ARL15: variants seen among roughly 807,000 people sequenced by gnomAD.
ARL15 encodes the protein ARF like GTPase 15, also known as ADP-ribosylation factor-like protein 15.
In ARL15, 19 loss-of-function variants were observed where a neutral mutation model predicts 25.2. The observed-to-expected ratio is 0.75, with a 90% CI of 0.53 to 1.10. The LOEUF is 1.10. Among genes scored for constraint, ARL15 ranks in the 50% least tolerant of loss-of-function variants. The probability of loss-of-function intolerance (pLI) is 0.00; values close to 1 mark genes in which losing one functional copy is unlikely to be tolerated. For synonymous variants in ARL15, 94 were observed against 86.8 expected (o/e 1.08, Z -0.46); for missense variants, 220 against 246.0 (o/e 0.89, Z 0.71).
At chr5:54,178,423 G>A (rs1007512756) in intron 1 of ARL15, among the ~76,000 whole-genome samples, 3 of 152,092 alleles carry the variant, frequency 2.0e-5, no homozygotes, top group Admixed American at 6.5e-5. Flanking sequence ...TACTGGTCTC[G>A]CCAGACAGAA....
intron 4 of ARL15, among the ~76,000 whole-genome samples, chr5:54,025,477 T>C (rs1373988354): frequency 1.3e-5 from 2 of 152,148 alleles, no homozygotes; most frequent in Non-Finnish European, 2.9e-5. Flanking sequence ...CTGAGGCAAA[T>C]TTCTAGTACA....
At chr5:54,302,263 A>C (rs752465785) in intron 1 of ARL15, among the ~76,000 whole-genome samples, 2 of 152,220 alleles carry the variant, frequency 1.3e-5, no homozygotes, top group African/African-American at 4.8e-5. Context: ...ATAATAGTTA[A>C]GCAGCACCGA....
At chr5:53,917,745 T>C (rs1220191775) in intron 4 of ARL15, among the ~76,000 whole-genome samples, 2 of 152,174 alleles carry the variant, frequency 1.3e-5, no homozygotes, top group Admixed American at 6.5e-5. Context: ...GACATCTTCT[T>C]TGCATTGCCT....
At position 54,048,628 on chromosome 5, in the gene ARL15, C is replaced by A. The variant is rs187538419; in HGVS notation, c.462+64574G>T. 3.0e-4 allele frequency among the ~76,000 whole-genome samples: 46 copies of A among 151,746 alleles called. 3 individuals carry two copies. The Middle Eastern group carries it at 0.045, about 147-fold the overall frequency. ...ATGTTGGCCAGGCTGGTCTCGAACTCCTGACCTCAAGTGATCTGCCCACCT... is the reference window on the plus strand; with the variant it reads ...ATGTTGGCCAGGCTGGTCTCGAACTACTGACCTCAAGTGATCTGCCCACCT... On this transcript the variant is annotated intron_variant, in intron 4 of 4. Coordinates refer to ENST00000504924, the MANE Select transcript of ARL15 (RefSeq NM_019087.3).
At chr5:54,127,211 T>C (rs375376449) in intron 3 of ARL15, among the ~76,000 whole-genome samples, 10 of 152,336 alleles carry the variant, frequency 6.6e-5, no homozygotes, top group South Asian at 6.2e-4. Flanking sequence ...CCATGGTGTA[T>C]ATGTGCCACA....
chr5:54,088,444 A>T (rs1386849926), intron 4 of ARL15, among the ~76,000 whole-genome samples: 1 of 151,634 alleles, frequency 6.6e-6, no homozygotes, highest in Non-Finnish European at 1.5e-5. Flanking sequence ...ACAAAACTGT[A>T]AAAAAAAATC....
intron 3 of ARL15, among the ~76,000 whole-genome samples, chr5:54,114,417 A>AAAAAAATAAAAT (rs1190191336): frequency 1.3e-5 from 2 of 148,964 alleles, no homozygotes; most frequent in Admixed American, 6.7e-5. Context: ...AAAAAAAAAA[A>AAAAAAATAAAAT]AAAAAGCAAC....
chr5:53,965,505 G>A lies in ARL15; in HGVS notation c.463-78792C>T, dbSNP rs927222718. ...AGATTTCAAAATCCTGAGGTGGGGG[G>A]GACTTGTGTTGAAATGCAGTGAAAG... On this transcript the variant is annotated intron_variant, in intron 4 of 4. Transcript: ENST00000504924. 4.6e-5 allele frequency among the ~76,000 whole-genome samples: 7 copies of A among 152,102 alleles called. No individual in the cohort carries two copies. The South Asian group carries it at 6.2e-4, about 13-fold the overall frequency.
At chr5:54,267,324 C>T (rs946068018) in intron 1 of ARL15, among the ~76,000 whole-genome samples, 2 of 152,182 alleles carry the variant, frequency 1.3e-5, no homozygotes, top group Non-Finnish European at 2.9e-5. Context: ...ATCTCCCGAC[C>T]TTGTGATCTG....
At chr5:54,153,477 T>C (rs536588294) in intron 3 of ARL15, among the ~76,000 whole-genome samples, 2 of 152,270 alleles carry the variant, frequency 1.3e-5, no homozygotes, top group South Asian at 4.1e-4. Flanking sequence ...TAGAACACAG[T>C]CTTTTAAAAA....
chr5:53,970,160 A>AT (rs1205910655), intron 4 of ARL15, among the ~76,000 whole-genome samples: 6 of 152,196 alleles, frequency 3.9e-5, no homozygotes, highest in Admixed American at 2.0e-4. Flanking sequence ...ATTAATTTCC[A>AT]TTTTTTACTT....
intron 1 of ARL15, among the ~76,000 whole-genome samples, chr5:54,258,649 A>G (rs895931798): frequency 1.3e-5 from 2 of 152,212 alleles, no homozygotes; most frequent in African/African-American, 4.8e-5. Flanking sequence ...CCTGGGGCCA[A>G]AAAAGTCCCC....
At chr5:54,297,550 T>C (rs1314231790) in intron 1 of ARL15, among the ~76,000 whole-genome samples, 7 of 152,242 alleles carry the variant, frequency 4.6e-5, no homozygotes. Flanking sequence ...AAAGCTAAAA[T>C]GGGCTCTGTG....
chr5:54,203,785 G>A (rs1239971995), intron 1 of ARL15, among the ~76,000 whole-genome samples: 1 of 152,124 alleles, frequency 6.6e-6, no homozygotes, highest in African/African-American at 2.4e-5. Flanking sequence ...AATCCAAAGT[G>A]AACTGAGGAA....
chr5:54,096,520 C>T lies in ARL15; in HGVS notation c.462+16682G>A, dbSNP rs1035585095. On this transcript the variant is annotated intron_variant, in intron 4 of 4. Transcript: ENST00000504924. ...CCAACTCCTGGGTTCAAGTGATTTTCCTGCCTCAGCCTCCTGAGTAGCTGG... is the reference window on the plus strand; with the variant it reads ...CCAACTCCTGGGTTCAAGTGATTTTTCTGCCTCAGCCTCCTGAGTAGCTGG... 2.0e-5 allele frequency among the ~76,000 whole-genome samples: 3 copies of T among 152,264 alleles called. No individual in the cohort carries two copies. The South Asian group carries it at 6.2e-4, about 32-fold the overall frequency.
At chr5:54,089,817 A>C (rs997323954) in intron 4 of ARL15, among the ~76,000 whole-genome samples, 4 of 152,242 alleles carry the variant, frequency 2.6e-5, no homozygotes, top group African/African-American at 9.6e-5. Context: ...TATTCAAATG[A>C]ATCAAAAGGA....
At chr5:54,155,108 A>G (rs1209473756) in intron 2 of ARL15, among the ~76,000 whole-genome samples, 1 of 152,290 alleles carries the variant, frequency 6.6e-6, no homozygotes, top group East Asian at 1.9e-4. Flanking sequence ...TGACACGCCG[A>G]GACTCCATTT....
chr5:54,298,453 C>A (rs1025477335), intron 1 of ARL15, among the ~76,000 whole-genome samples: 2 of 152,136 alleles, frequency 1.3e-5, no homozygotes, highest in Non-Finnish European at 2.9e-5. Flanking sequence ...GCTACCTGAC[C>A]ACATTTCAGT....
At chr5:53,926,386 T>C (rs926360124) in intron 4 of ARL15, among the ~76,000 whole-genome samples, 11 of 146,210 alleles carry the variant, frequency 7.5e-5, no homozygotes, top group Non-Finnish European at 1.0e-4. Flanking sequence ...GATGAAGCCA[T>C]GGAGAACATG....
Sources: gnomAD v4.1 joint callset for allele counts (sites outside exome capture counted in the v4.1 genomes callset) on GRCh38, gnomAD v4.1.1 for gene constraint, MANE v1.5 for transcripts, NCBI Gene and HGNC (gene_info 2026-07-23, HGNC 2026-07-21) for gene names.